Variants in RALYL observed in about 807,000 individuals in gnomAD.
RALYL encodes the protein RNA-binding Raly-like protein.
In RALYL, 29 loss-of-function variants were observed where a neutral mutation model predicts 35.1. That is an observed-to-expected ratio of 0.83 (90% CI 0.61 to 1.13). The LOEUF (loss-of-function observed/expected upper bound fraction) is 1.13, where lower values mean the gene tolerates loss of function less well. Among genes scored for constraint, RALYL ranks in the 50% most tolerant of loss-of-function variants. RALYL has a pLI of 0.00. For missense variants in RALYL, 359 were observed against 360.4 expected, an observed-to-expected ratio of 1.00 and a Z score of 0.03; for synonymous variants, 120 against 127.6, an observed-to-expected ratio of 0.94 and a Z score of 0.40.
At chr8:84,441,617 G>T (rs1386091161) in intron 1 of RALYL, among the ~76,000 whole-genome samples, 1 of 152,116 alleles carries the variant, frequency 6.6e-6, no homozygotes, top group Non-Finnish European at 1.5e-5. Flanking sequence ...CTGTGGGAAA[G>T]GTGGCATAGT....
At chr8:84,523,420 C>T (rs2058622806) in intron 1 of RALYL, among the ~76,000 whole-genome samples, 1 of 152,156 alleles carries the variant, frequency 6.6e-6, no homozygotes, top group Admixed American at 6.5e-5. Context: ...CAGATTATTA[C>T]AATTCAAGGT....
chr8:84,552,714 C>G (rs2060830993), intron 2 of RALYL, among the ~76,000 whole-genome samples: 1 of 151,296 alleles, frequency 6.6e-6, no homozygotes, highest in Non-Finnish European at 1.5e-5. Flanking sequence ...CTAATTAGAC[C>G]CCTTTTTTTT....
At chr8:84,396,912 A>G (rs1231811030) in intron 1 of RALYL, among the ~76,000 whole-genome samples, 2 of 151,928 alleles carry the variant, frequency 1.3e-5, no homozygotes, top group African/African-American at 2.4e-5. Context: ...CTTATTATTC[A>G]TAGAATATCC....
chr8:84,369,588 C>G (rs1360715732), intron 1 of RALYL, among the ~76,000 whole-genome samples: 1 of 151,876 alleles, frequency 6.6e-6, no homozygotes, highest in East Asian at 1.9e-4. Flanking sequence ...GATTTCTTCC[C>G]CCTTTAATCA....
chr8:84,253,969 A>G (rs1012462196), intron 1 of RALYL, among the ~76,000 whole-genome samples: 2 of 152,074 alleles, frequency 1.3e-5, no homozygotes, highest in African/African-American at 4.8e-5. Flanking sequence ...TGAAAATATT[A>G]TTTCTCATAT....
chr8:84,883,040 C>T (rs1388408150), intron 7 of RALYL, among the ~76,000 whole-genome samples: 25 of 151,852 alleles, frequency 1.6e-4, no homozygotes, highest in Admixed American at 1.6e-3. Context: ...TAATATTTCC[C>T]ATTGAGATGA....
intron 2 of RALYL, among the ~76,000 whole-genome samples, chr8:84,754,710 C>A (rs1810961602): frequency 7.2e-6 from 1 of 138,594 alleles, no homozygotes; most frequent in Non-Finnish European, 1.6e-5. Context: ...GGCAACTTTT[C>A]ACATCCAATA....
At chr8:84,345,491 C>A (rs1367758964) in intron 1 of RALYL, among the ~76,000 whole-genome samples, 1 of 152,062 alleles carries the variant, frequency 6.6e-6, no homozygotes, top group African/African-American at 2.4e-5. Context: ...ACCCTTGCCC[C>A]AGGGTTATCT....
rs774010619 is a variant in RALYL, at chr8:84,822,427, T to C, written c.365+17625T>C. ...CTCTTGTGAAAGGATTTGATAGCAT[T>C]GCTGCCCTTTCTGTGAAGAATAGCT... On this transcript the variant is annotated intron_variant, in intron 4 of 8. Transcript: ENST00000521268. Among the ~76,000 whole-genome samples, 14 of 152,300 alleles carry C rather than the reference T, an allele frequency of 9.2e-5. No homozygotes were observed. The South Asian group carries it at 2.9e-3, about 32-fold the overall frequency.
At chr8:84,416,876 G>T (rs2044764620) in intron 1 of RALYL, among the ~76,000 whole-genome samples, 1 of 152,164 alleles carries the variant, frequency 6.6e-6, no homozygotes, top group South Asian at 2.1e-4. Context: ...TCTGGTAAAT[G>T]CATACATAGG....
chr8:84,489,679 A>C (rs997162252), intron 1 of RALYL, among the ~76,000 whole-genome samples: 2 of 152,110 alleles, frequency 1.3e-5, no homozygotes, highest in African/African-American at 4.8e-5. Context: ...GTAGATAGCA[A>C]TAAGAAGAGC....
At chr8:84,632,101 T>A (rs1288384611) in intron 2 of RALYL, among the ~76,000 whole-genome samples, 1 of 151,792 alleles carries the variant, frequency 6.6e-6, no homozygotes, top group Non-Finnish European at 1.5e-5. Flanking sequence ...GTTAGTGTCC[T>A]TATAAAATAG....
intron 1 of RALYL, among the ~76,000 whole-genome samples, chr8:84,244,058 T>C (rs1422305885): frequency 6.6e-6 from 1 of 152,190 alleles, no homozygotes; most frequent in African/African-American, 2.4e-5. Context: ...TACTACCATT[T>C]AGTGGCTTTG....
chr8:84,910,894 C>T (rs1451273007), intron 8 of RALYL, among the ~76,000 whole-genome samples: 1 of 151,766 alleles, frequency 6.6e-6, no homozygotes, highest in Non-Finnish European at 1.5e-5. Context: ...AAACTTTACC[C>T]AGAATTTTAA....
At chr8:84,539,878 GTA>G (rs371459024) in intron 2 of RALYL, among the ~76,000 whole-genome samples, 29,715 of 74,618 alleles carry the variant, frequency 0.4, 4,038 homozygotes, top group Admixed American at 0.48. Flanking sequence ...ATATATATAT[GTA>G]TATATATGTG....
intron 1 of RALYL, among the ~76,000 whole-genome samples, chr8:84,405,780 A>G (rs1035935939): frequency 1.3e-5 from 2 of 149,998 alleles, no homozygotes; most frequent in Non-Finnish European, 3.0e-5. Context: ...AAATAAATTC[A>G]TGCTTAATTT....
chr8:84,329,445 GGATTATGT>G (rs1467986985), intron 1 of RALYL, among the ~76,000 whole-genome samples: 1 of 151,772 alleles, frequency 6.6e-6, no homozygotes, highest in Non-Finnish European at 1.5e-5. Context: ...ACTTTTTATG[GGATTATGT>G]GTTTTGTGCT....
chr8:84,286,263 A>C (rs969776367), intron 1 of RALYL, among the ~76,000 whole-genome samples: 1 of 152,184 alleles, frequency 6.6e-6, no homozygotes, highest in African/African-American at 2.4e-5. Context: ...AAGATGCATC[A>C]GTTGGTACAG....
intron 1 of RALYL, among the ~76,000 whole-genome samples, chr8:84,460,955 T>A (rs1337476207): frequency 6.6e-6 from 1 of 151,632 alleles, no homozygotes; most frequent in Non-Finnish European, 1.5e-5. Context: ...GCAGGCATAG[T>A]AAAATGATAA....
Sources: gnomAD v4.1 joint callset for allele counts (sites outside exome capture counted in the v4.1 genomes callset) on GRCh38, gnomAD v4.1.1 for gene constraint, MANE v1.5 for transcripts, NCBI Gene and HGNC (gene_info 2026-07-23, HGNC 2026-07-21) for gene names.